The following ZC3H12B variants were observed in gnomAD, a reference collection of about 807,000 sequenced individuals.
ZC3H12B encodes zinc finger CCCH-type containing 12B.
Under a neutral mutation model 43.9 loss-of-function variants are expected in ZC3H12B, and 7 were observed. The observed-to-expected ratio is 0.16, with a 90% CI of 0.09 to 0.30. The LOEUF (loss-of-function observed/expected upper bound fraction) is 0.30, where lower values mean the gene tolerates loss of function less well. ZC3H12B is among the 10% of genes least tolerant of loss of function. The pLI is 1.00. For synonymous variants in ZC3H12B, 222 were observed against 241.7 expected (o/e 0.92, Z 0.76); for missense variants, 475 against 670.2 (o/e 0.71, Z 3.22).
intron 3 of ZC3H12B, among the ~76,000 whole-genome samples, chrX:65,466,874 CTA>C (rs1411889428): frequency 1.2e-4 from 8 of 65,992 alleles, no homozygotes; most frequent in Non-Finnish European, 1.6e-4. Flanking sequence ...TAATTTTGTT[CTA>C]TATATATTTA....
chrX:65,380,674 A>G (rs1388415088), intron 2 of ZC3H12B, among the ~76,000 whole-genome samples: 4 of 112,131 alleles, frequency 3.6e-5, no homozygotes, highest in Non-Finnish European at 5.6e-5. Context: ...AACTGGATAA[A>G]GAGTCAAGAC....
the ZC3H12B span, among the ~76,000 whole-genome samples, chrX:65,119,780 G>T: frequency 8.9e-6 from 1 of 111,871 alleles, no homozygotes; most frequent in Non-Finnish European, 1.9e-5. Flanking sequence ...ATGGTTTTAG[G>T]TCTAATATTT....
the ZC3H12B span, among the ~76,000 whole-genome samples, chrX:65,268,915 A>G: frequency 8.9e-6 from 1 of 112,646 alleles, no homozygotes; most frequent in African/African-American, 3.2e-5. Flanking sequence ...AAAGGCATTC[A>G]AATTAGAAAG....
chrX:65,489,526 C>T (rs1476425608), intron 1 of ZC3H12B, 117 bp downstream of exon 6: 1 of 885,730 alleles, frequency 1.1e-6, no homozygotes, highest in Non-Finnish European at 1.5e-6. Context: ...GCGTGTGTTT[C>T]TGAAGGTGGC....
the ZC3H12B span, among the ~76,000 whole-genome samples, chrX:65,171,219 C>T: frequency 4.6e-3 from 507 of 111,150 alleles, 2 homozygotes; most frequent in Non-Finnish European, 7.2e-3. Context: ...GGTCGGGTTT[C>T]GGTGTGGATG....
chrX:65,036,471 AG>A, the ZC3H12B span, among the ~76,000 whole-genome samples: 1 of 111,690 alleles, frequency 9.0e-6, no homozygotes, highest in South Asian at 3.7e-4. Flanking sequence ...AAGGATATAT[AG>A]ATGCCATTTA....
the ZC3H12B span, among the ~76,000 whole-genome samples, chrX:65,220,445 G>C: frequency 8.9e-6 from 1 of 111,859 alleles, no homozygotes; most frequent in Non-Finnish European, 1.9e-5. Context: ...CCAAATATCT[G>C]CTGTCTTCAA....
chrX:65,497,258 T>C (rs923026271), exon 2 of ZC3H12B: 11 of 1,206,899 alleles, frequency 9.1e-6, no homozygotes, highest in Admixed American at 2.2e-5. Context: ...CCCGCCCTGA[T>C]GCACCAATTA....
the ZC3H12B span, among the ~76,000 whole-genome samples, chrX:65,158,921 C>G: frequency 6.3e-5 from 7 of 111,885 alleles, no homozygotes; most frequent in East Asian, 1.7e-3. Context: ...ACATTTAAGT[C>G]TTTAATCCAT....
chrX:65,322,122 G>T, the ZC3H12B span, among the ~76,000 whole-genome samples: 1 of 111,571 alleles, frequency 9.0e-6, no homozygotes, highest in Non-Finnish European at 1.9e-5. Flanking sequence ...TTCCAGTCAT[G>T]TTCGAACTTG....
chrX:65,207,011 A>C, the ZC3H12B span, among the ~76,000 whole-genome samples: 1 of 109,237 alleles, frequency 9.2e-6, no homozygotes, highest in Non-Finnish European at 1.9e-5. Flanking sequence ...AAAAAAAATA[A>C]TATTGGTGTG....
At chrX:65,277,201 C>G in the ZC3H12B span, among the ~76,000 whole-genome samples, 1 of 111,034 alleles carries the variant, frequency 9.0e-6, no homozygotes, top group Non-Finnish European at 1.9e-5. Flanking sequence ...AACACTGGAG[C>G]CCTTAAGTAT....
chrX:65,410,405 C>G (rs1372423164), intron 3 of ZC3H12B, among the ~76,000 whole-genome samples: 1 of 111,655 alleles, frequency 9.0e-6, no homozygotes, highest in Non-Finnish European at 1.9e-5. Flanking sequence ...TTGGTCTAGG[C>G]AAGAATTTTT....
At chrX:65,097,953 A>C in the ZC3H12B span, among the ~76,000 whole-genome samples, 1 of 111,321 alleles carries the variant, frequency 9.0e-6, no homozygotes, top group Admixed American at 9.6e-5. Flanking sequence ...TTCCATTTTT[A>C]TATATCTTTC....
intron 3 of ZC3H12B, among the ~76,000 whole-genome samples, chrX:65,403,080 T>C (rs983882490): frequency 8.9e-6 from 1 of 112,027 alleles, no homozygotes; most frequent in Non-Finnish European, 1.9e-5. Context: ...AAACTCAAGA[T>C]AACACAGAGA....
chrX:65,407,133 G>A (rs2066839045), intron 3 of ZC3H12B, among the ~76,000 whole-genome samples: 1 of 113,073 alleles, frequency 8.8e-6, no homozygotes, highest in Non-Finnish European at 1.9e-5. Context: ...AGAAGACCGA[G>A]GAAGAAAAGA....
the ZC3H12B span, among the ~76,000 whole-genome samples, chrX:65,269,397 A>C: frequency 9.0e-6 from 1 of 110,975 alleles, no homozygotes; most frequent in Non-Finnish European, 1.9e-5. Context: ...AAAAATCACT[A>C]TTATCTCTAT....
At chrX:65,263,300 T>C in the ZC3H12B span, among the ~76,000 whole-genome samples, 1 of 110,993 alleles carries the variant, frequency 9.0e-6, no homozygotes, top group East Asian at 2.8e-4. Flanking sequence ...AGGTATCTTT[T>C]TAAAACTGCT....
At chrX:65,167,306 T>C in the ZC3H12B span, among the ~76,000 whole-genome samples, 1 of 112,163 alleles carries the variant, frequency 8.9e-6, no homozygotes, top group African/African-American at 3.2e-5. Context: ...GGGAATCCTT[T>C]CCCCATTTCT....
Sources: gnomAD v4.1 joint callset for allele counts (sites outside exome capture counted in the v4.1 genomes callset) on GRCh38, gnomAD v4.1.1 for gene constraint, MANE v1.5 for transcripts, NCBI Gene and HGNC (gene_info 2026-07-23, HGNC 2026-07-21) for gene names.